The following CELF2 variants were observed in gnomAD, a reference collection of about 807,000 sequenced individuals.
The protein encoded by CELF2 is CUGBP Elav-like family member 2, also known as CUG triplet repeat RNA-binding protein 2.
Under a neutral mutation model 62.6 loss-of-function variants are expected in CELF2, and 8 were observed. That is an observed-to-expected ratio of 0.13 (90% CI 0.07 to 0.23). The LOEUF is 0.23. Ranked by LOEUF, CELF2 falls within the 10% of genes least tolerant of loss-of-function variation. The probability of loss-of-function intolerance (pLI) is 1.00; values close to 1 mark genes in which losing one functional copy is unlikely to be tolerated. For synonymous variants in CELF2, 258 were observed against 250.0 expected (o/e 1.03, Z -0.30); for missense variants, 333 against 671.0 (o/e 0.50, Z 5.56).
At chr10:10,978,697 A>C (rs566174415) in intron 2 of CELF2, among the ~76,000 whole-genome samples, 10 of 152,340 alleles carry the variant, frequency 6.6e-5, no homozygotes, top group African/African-American at 2.4e-4. Context: ...ACGGAGAAGA[A>C]TAAATTGGCA....
At chr10:10,769,217 AG>A in the CELF2 span, among the ~76,000 whole-genome samples, 1 of 152,156 alleles carries the variant, frequency 6.6e-6, no homozygotes, top group Non-Finnish European at 1.5e-5. Context: ...AAAGTCTATC[AG>A]GCGAGAGAAA....
intron 1 of CELF2, among the ~76,000 whole-genome samples, chr10:11,064,621 T>C (rs145092016): frequency 6.6e-6 from 1 of 152,186 alleles, no homozygotes; most frequent in African/African-American, 2.4e-5. Context: ...CTGCTTCAAA[T>C]AGAGTATATA....
chr10:10,727,630 G>T, the CELF2 span, among the ~76,000 whole-genome samples: 1 of 152,038 alleles, frequency 6.6e-6, no homozygotes, highest in African/African-American at 2.4e-5. Context: ...CAAAAAATTA[G>T]CCGGGCGTGC....
At chr10:10,808,782 G>A (rs1405493535) in intron 1 of CELF2, among the ~76,000 whole-genome samples, 1 of 152,082 alleles carries the variant, frequency 6.6e-6, no homozygotes, top group Non-Finnish European at 1.5e-5. Context: ...TTCTCTCCTA[G>A]GAAGATTACT....
rs1167421620 is a variant in CELF2 at position 11,224,611 on chromosome 10, G to A, written c.354+7104G>A. Among the ~76,000 whole-genome samples the A allele has an allele frequency of 2.0e-5, 3 of 152,184 alleles. No individual in the cohort carries two copies. The highest frequency in any genetic ancestry group is 4.4e-5 in the Non-Finnish European group (3 of 68,038). On this transcript the variant is annotated intron_variant, in intron 3 of 12. Transcript: ENST00000633077. This position sits in a 1 kb window ranked among gnomAD's most constrained non-coding sequence, Gnocchi z 4.5. ...CCATGATAATCAAATGATGAAAGGA[G>A]AAGTTTGATATACACCTAGAAAATT...
the CELF2 span, among the ~76,000 whole-genome samples, chr10:10,585,485 AGTTGGGGTT>A: frequency 1.2e-4 from 18 of 152,322 alleles, no homozygotes; most frequent in African/African-American, 4.1e-4. Flanking sequence ...TATACACAAA[AGTTGGGGTT>A]TCAGCTGATT....
the CELF2 span, among the ~76,000 whole-genome samples, chr10:10,466,346 G>A: frequency 1.1e-4 from 17 of 152,028 alleles, no homozygotes; most frequent in South Asian, 6.2e-4. Flanking sequence ...TTCATTTTGC[G>A]TACTGACTTT....
intron 1 of CELF2, among the ~76,000 whole-genome samples, chr10:11,055,807 C>T (rs1006478079): frequency 6.6e-6 from 1 of 152,206 alleles, no homozygotes; most frequent in African/African-American, 2.4e-5. Context: ...TTTTCCCTCT[C>T]CCCATCTGGA....
chr10:11,212,956 A>G (rs1231306374), intron 2 of CELF2, among the ~76,000 whole-genome samples: 4 of 152,130 alleles, frequency 2.6e-5, no homozygotes, highest in African/African-American at 9.7e-5. Context: ...ATAGTGTCAA[A>G]TGAGCAAAGT....
chr10:10,525,358 G>A, the CELF2 span, among the ~76,000 whole-genome samples: 1 of 152,064 alleles, frequency 6.6e-6, no homozygotes, highest in Non-Finnish European at 1.5e-5. Context: ...AACCTGATGA[G>A]ATTTTTTTGC....
intron 3 of CELF2, among the ~76,000 whole-genome samples, chr10:11,236,000 T>G (rs1356858116): frequency 6.6e-6 from 1 of 152,202 alleles, no homozygotes; most frequent in Non-Finnish European, 1.5e-5. Flanking sequence ...TATGTGTCTG[T>G]CGTAAATGAA....
chr10:10,507,225 C>A, the CELF2 span, among the ~76,000 whole-genome samples: 1 of 152,000 alleles, frequency 6.6e-6, no homozygotes, highest in African/African-American at 2.4e-5. Context: ...GTTGTTACTT[C>A]CTGATTCTAT....
chr10:10,686,154 T>C, the CELF2 span, among the ~76,000 whole-genome samples: 3 of 151,970 alleles, frequency 2.0e-5, no homozygotes, highest in African/African-American at 7.2e-5. Flanking sequence ...ATCCTTTCAA[T>C]TGGTTGATAA....
upstream of CELF2, among the ~76,000 whole-genome samples, chr10:11,014,451 A>C (rs1362481729): frequency 5.9e-5 from 9 of 152,266 alleles, no homozygotes; most frequent in Non-Finnish European, 7.3e-5. Context: ...ATCAAGCACC[A>C]GTCCCTAAAT....
intron 1 of CELF2, among the ~76,000 whole-genome samples, chr10:10,832,632 A>G (rs2057961910): frequency 6.6e-6 from 1 of 152,174 alleles, no homozygotes; most frequent in African/African-American, 2.4e-5. Flanking sequence ...ATTGATGATC[A>G]AATCAATTGA....
chr10:11,138,776 AGT>A (rs2132133407), intron 1 of CELF2, among the ~76,000 whole-genome samples: 1 of 152,330 alleles, frequency 6.6e-6, no homozygotes, highest in East Asian at 1.9e-4. Context: ...TAAACAGAGC[AGT>A]GTTCTCCCTC....
At chr10:10,515,496 T>G in the CELF2 span, among the ~76,000 whole-genome samples, 1 of 152,192 alleles carries the variant, frequency 6.6e-6, no homozygotes, top group Admixed American at 6.5e-5. Context: ...CAAACAAGAT[T>G]CAGTCTGGTA....
intron 1 of CELF2, among the ~76,000 whole-genome samples, chr10:10,900,404 C>A (rs1473961133): frequency 6.6e-6 from 1 of 152,106 alleles, no homozygotes; most frequent in Non-Finnish European, 1.5e-5. Context: ...GTTGGTATAA[C>A]ATTCAAAAAT....
chr10:10,540,871 C>T, the CELF2 span, among the ~76,000 whole-genome samples: 537 of 152,248 alleles, frequency 3.5e-3, no homozygotes, highest in Non-Finnish European at 6.4e-3. Flanking sequence ...AATTCAGTAT[C>T]CTGACTGTCA....
Sources: gnomAD v4.1 joint callset for allele counts (sites outside exome capture counted in the v4.1 genomes callset) on GRCh38, gnomAD v4.1.1 for gene constraint, Gnocchi (gnomAD v3.1) non-coding constraint, MANE v1.5 for transcripts, NCBI Gene and HGNC (gene_info 2026-07-23, HGNC 2026-07-21) for gene names.